KIF26B: variants seen among roughly 807,000 people sequenced by gnomAD.
The protein encoded by KIF26B is kinesin family member 26B.
A neutral mutation model predicts 151.2 loss-of-function variants in KIF26B; 63 were observed. The ratio of observed to expected loss-of-function variants is 0.42; its 90% CI spans 0.34 to 0.51. KIF26B has a LOEUF of 0.51. Among genes scored for constraint, KIF26B ranks in the 20% least tolerant of loss-of-function variants. The probability of loss-of-function intolerance (pLI) is 0.07; values close to 1 mark genes in which losing one functional copy is unlikely to be tolerated. For missense variants in KIF26B, 2,813 were observed against 2,913.6 expected (o/e 0.97, Z 0.79); for synonymous variants, 1,357 against 1,262.1 (o/e 1.08, Z -1.59).
At chr1:245,557,341 A>C (rs1046792976) in intron 5 of KIF26B, among the ~76,000 whole-genome samples, 3 of 152,238 alleles carry the variant, frequency 2.0e-5, no homozygotes, top group African/African-American at 7.2e-5. Flanking sequence ...GCTGGAATGA[A>C]GCCCTCCTGG....
At chr1:245,446,167 G>C (rs1285716847) in intron 4 of KIF26B, among the ~76,000 whole-genome samples, 1 of 152,160 alleles carries the variant, frequency 6.6e-6, no homozygotes, top group Non-Finnish European at 1.5e-5. Context: ...AAACAGTATA[G>C]CATGTTACTG....
intron 4 of KIF26B, among the ~76,000 whole-genome samples, chr1:245,502,720 A>ATC (rs1473323686): frequency 6.6e-6 from 1 of 152,156 alleles, no homozygotes; most frequent in Non-Finnish European, 1.5e-5. Context: ...TCTAAGTATG[A>ATC]AGAACATGCC....
rs1258512244 is a variant in KIF26B, at chr1:245,686,846, G to A, written c.3863G>A (p.Gly1288Asp). The change falls in exon 12 of 15, where the codon GGC becomes GAC. Residue 1288 changes from glycine (G) to aspartate (D), a missense_variant. Around this residue, in one of 3 missense-constraint regions of KIF26B, gnomAD observed 2,060 missense variants for 2,088.6 expected, o/e 0.99. Coordinates refer to ENST00000407071, the MANE Select transcript of KIF26B (RefSeq NM_018012.4). The surrounding 1 kb of genome is among the most constrained non-coding windows in gnomAD (Gnocchi z 5.6). ...ISSWLSEMSA[G>D]SEGEQSCHSF... ...TCCTGGCTGAGCGAGATGAGCGCGG[G>A]CAGTGAGGGTGAGCAGTCGTGCCAC... 1.9e-6 allele frequency: 3 copies of A among 1,613,630 alleles called. No homozygotes were observed. Among genetic ancestry groups the A allele is most frequent in the East Asian group, 2.2e-5 (1 of 44,872 alleles).
intron 3 of KIF26B, among the ~76,000 whole-genome samples, chr1:245,405,854 G>A (rs767191299): frequency 3.3e-4 from 50 of 152,270 alleles, no homozygotes; most frequent in Non-Finnish European, 7.1e-4. Context: ...CAGAATACAA[G>A]GTTTGGTGTC....
rs774764342 is a variant in KIF26B at position 245,607,794 on chromosome 1, C to T, written c.1651+50C>T. On this transcript the variant is annotated intron_variant, in intron 7 of 14. Coordinates refer to ENST00000407071, the MANE Select transcript of KIF26B (RefSeq NM_018012.4). ...TGCGGCTCGTTGAGCTCCCTGTCAT[C>T]CCATGCATTCCTCTGTCTCCCTCCC... The T allele has an allele frequency of 2.9e-6, 4 of 1,392,542 alleles. No individual in the cohort carries two copies. In the Admixed American group the frequency reaches 7.6e-5, roughly 27 times the overall value. The allele number at this position is 1,392,542 out of a possible 1,614,324, so 86.3% of individuals were successfully genotyped here. A position where few individuals can be genotyped will look rare whatever the true frequency, so the allele number is the denominator to read the frequency against.
intron 4 of KIF26B, among the ~76,000 whole-genome samples, chr1:245,445,500 A>G (rs1352878319): frequency 1.3e-5 from 2 of 152,226 alleles, no homozygotes; most frequent in African/African-American, 2.4e-5. Context: ...GTGTGTATGC[A>G]TGCATGTGCG....
chr1:245,542,716 T>C (rs1343641327), intron 5 of KIF26B, among the ~76,000 whole-genome samples: 1 of 152,244 alleles, frequency 6.6e-6, no homozygotes, highest in African/African-American at 2.4e-5. Flanking sequence ...GCTGGGATCT[T>C]CTATTCTTTT....
chr1:245,694,989 C>T (rs2044672277), intron 12 of KIF26B, among the ~76,000 whole-genome samples: 1 of 152,140 alleles, frequency 6.6e-6, no homozygotes, highest in African/African-American at 2.4e-5. Context: ...ATCAGACAGG[C>T]GGCGTCCAAT....
At chr1:245,438,239 A>G (rs114877096) in intron 4 of KIF26B, among the ~76,000 whole-genome samples, 73 of 152,176 alleles carry the variant, frequency 4.8e-4, no homozygotes, top group African/African-American at 1.6e-3. Context: ...CCTGTCCCCA[A>G]CGGATTGCTT....
chr1:245,254,021 A>G (rs943042642), intron 2 of KIF26B, among the ~76,000 whole-genome samples: 4 of 151,924 alleles, frequency 2.6e-5, no homozygotes, highest in East Asian at 1.9e-4. Flanking sequence ...CGTGTTAGCC[A>G]GGATGGTCTC....
In KIF26B at chr1:245,256,316, G is replaced by T. The variant is rs190406011; in HGVS notation, c.465+99633G>T. ...TAACCTGGGTCCATGACATGTACTA[G>T]CTGCAAACAAGAAGCTGATGTGCAC... is the stretch of plus-strand genomic sequence containing the variant. On this transcript the variant is annotated intron_variant, in intron 2 of 14. Transcript: ENST00000407071. Among the ~76,000 whole-genome samples, 253 of 152,298 alleles carry T rather than the reference G, an allele frequency of 1.7e-3. 1 individual carries two copies. The highest frequency in any genetic ancestry group is 5.8e-3 in the African/African-American group (241 of 41,568).
rs909701243 is a variant in KIF26B, at chr1:245,705,047, T to G, written c.*2441T>G. The G allele has an allele frequency of 6.6e-6, 1 of 152,224 alleles. No homozygotes were observed. The highest frequency in any genetic ancestry group is 6.5e-5 in the Admixed American group (1 of 15,280). 9.4% of individuals were successfully genotyped at this position (152,224 alleles called of 1,614,324 possible). On this transcript the variant is annotated 3_prime_UTR_variant, in exon 15 of 15. Transcript: ENST00000407071. ...GGTGCCCTTCCTGGACTGAAACCGA[T>G]GGAATCCTTCCGAGGGGAGTGGCAT... is the stretch of plus-strand genomic sequence containing the variant.
rs1347548204 is a variant in KIF26B at position 245,180,987 on chromosome 1, C to G, written c.465+24304C>G. ...ATAGGGTGGGGGACATTGTGCACCCCCTTCTTCTCTGTCCCAGTCTGTGAC... is the reference window on the plus strand; with the variant it reads ...ATAGGGTGGGGGACATTGTGCACCCGCTTCTTCTCTGTCCCAGTCTGTGAC... On this transcript the variant is annotated intron_variant, in intron 2 of 14. Coordinates refer to ENST00000407071, the MANE Select transcript of KIF26B (RefSeq NM_018012.4). 4.6e-5 allele frequency among the ~76,000 whole-genome samples: 7 copies of G among 152,078 alleles called. No homozygotes were observed. The East Asian group carries it at 1.3e-3, about 29-fold the overall frequency.
At chr1:245,257,261 AC>A (rs529348024) in intron 2 of KIF26B, among the ~76,000 whole-genome samples, 11 of 152,304 alleles carry the variant, frequency 7.2e-5, no homozygotes, top group Admixed American at 5.9e-4. Context: ...GTATTGATTG[AC>A]CTCTTGTGTT....
chr1:245,628,304 A>G (rs892160739), intron 9 of KIF26B, among the ~76,000 whole-genome samples: 12 of 152,224 alleles, frequency 7.9e-5, no homozygotes, highest in African/African-American at 2.9e-4. Context: ...CAACATGGCA[A>G]AACCCTGTCT....
At position 245,687,495 on chromosome 1, in the gene KIF26B, C is replaced by A; in HGVS notation, c.4512C>A (p.Asp1504Glu). ...AGGTGTCGGCCTCCCCGGTCACTGA[C>A]AACTTCAGGAGGGTCGTGGATGGGT... ...SGEVSASPVTDNFRRVVDGCE... is the reference protein window; with the variant it reads ...SGEVSASPVTENFRRVVDGCE... Residue 1504 changes from aspartate to glutamate, a missense_variant, in exon 12 of 15, where the codon GAC becomes GAA. This residue lies in a region of KIF26B where 2,060 missense variants were observed against 2,088.6 expected (regional missense o/e 0.99). Coordinates refer to ENST00000407071, the MANE Select transcript of KIF26B (RefSeq NM_018012.4). This position sits in a 1 kb window ranked among gnomAD's most constrained non-coding sequence, Gnocchi z 4.9. 6.3e-7 allele frequency: 1 copy of A among 1,581,560 alleles called. No homozygotes were observed.
chr1:245,679,463 T>G (rs1323176942), intron 10 of KIF26B, among the ~76,000 whole-genome samples: 13 of 121,024 alleles, frequency 1.1e-4, no homozygotes, highest in African/African-American at 3.5e-4. Context: ...GTGTGTTTTT[T>G]TTTTTTTTTT....
intron 4 of KIF26B, among the ~76,000 whole-genome samples, chr1:245,455,364 G>A (rs1177946467): frequency 1.3e-5 from 2 of 151,940 alleles, no homozygotes; most frequent in Non-Finnish European, 2.9e-5. Context: ...ATTAGCTGGG[G>A]ATGGTTACAC....
chr1:245,465,814 C>T (rs926832317), intron 4 of KIF26B, among the ~76,000 whole-genome samples: 1 of 152,116 alleles, frequency 6.6e-6, no homozygotes, highest in Non-Finnish European at 1.5e-5. Flanking sequence ...GAGGGAGGAC[C>T]CGGGAGCATC....
Sources: gnomAD v4.1 joint callset for allele counts (sites outside exome capture counted in the v4.1 genomes callset) on GRCh38, gnomAD v4.1.1 for gene constraint, gnomAD v4.1.1 regional missense constraint, Gnocchi (gnomAD v3.1) non-coding constraint, MANE v1.5 for transcripts, NCBI Gene and HGNC (gene_info 2026-07-23, HGNC 2026-07-21) for gene names.